MTUS2: variants seen among roughly 807,000 people sequenced by gnomAD.
MTUS2 encodes microtubule associated scaffold protein 2, also known as microtubule-associated tumor suppressor candidate 2.
A neutral mutation model predicts 114.1 loss-of-function variants in MTUS2; 40 were observed. The ratio of observed to expected loss-of-function variants is 0.35; its 90% CI spans 0.27 to 0.46. The LOEUF (loss-of-function observed/expected upper bound fraction) is 0.46. Ranked by LOEUF, MTUS2 falls within the 20% of genes least tolerant of loss-of-function variation. MTUS2 has a pLI of 1.00. For synonymous variants in MTUS2, 688 were observed against 672.0 expected (o/e 1.02, Z -0.37); for missense variants, 1,679 against 1,705.4 (o/e 0.98, Z 0.27).
intron 6 of MTUS2, among the ~76,000 whole-genome samples, chr13:29,288,947 C>A (rs1215368453): frequency 1.3e-5 from 2 of 152,090 alleles, no homozygotes; most frequent in African/African-American, 4.8e-5. Context: ...GGTTGTTTTG[C>A]AACACTACTT....
intron 15 of MTUS2, 119 bp from the exon 16 acceptor site, chr13:29,502,873 TG>T (rs1882997115): frequency 4.2e-6 from 4 of 957,398 alleles, no homozygotes; most frequent in Admixed American, 2.1e-5. Context: ...TGGGTCACCC[TG>T]GTCCCTGTTC....
At chr13:29,083,058 A>T (rs1889517300) in intron 4 of MTUS2, among the ~76,000 whole-genome samples, 1 of 152,128 alleles carries the variant, frequency 6.6e-6, no homozygotes, top group Admixed American at 6.5e-5. Flanking sequence ...AACCCAAAAA[A>T]GCCTAAAAGA....
chr13:29,289,626 G>C (rs1401036209), intron 6 of MTUS2, among the ~76,000 whole-genome samples: 1 of 151,836 alleles, frequency 6.6e-6, no homozygotes, highest in Non-Finnish European at 1.5e-5. Context: ...CTGCACCCGG[G>C]TAATTTTTTT....
intron 2 of MTUS2, among the ~76,000 whole-genome samples, chr13:28,945,131 G>A (rs1028329224): frequency 2.6e-5 from 4 of 151,516 alleles, no homozygotes; most frequent in Non-Finnish European, 4.4e-5. Flanking sequence ...TTCCATCCAT[G>A]TTGTAAAAGA....
At chr13:29,319,426 G>T (rs544514201) in intron 6 of MTUS2, among the ~76,000 whole-genome samples, 1 of 152,258 alleles carries the variant, frequency 6.6e-6, no homozygotes, top group Non-Finnish European at 1.5e-5. Context: ...CCCCACATGG[G>T]AACAAAGATG....
chr13:29,289,228 T>G (rs7319242), intron 6 of MTUS2, among the ~76,000 whole-genome samples: 1 of 151,930 alleles, frequency 6.6e-6, no homozygotes, highest in Non-Finnish European at 1.5e-5. Context: ...AACAGCAAAG[T>G]TCAAGTATGG....
intron 5 of MTUS2, among the ~76,000 whole-genome samples, chr13:29,160,543 G>A (rs553737301): frequency 3.3e-5 from 5 of 152,246 alleles, no homozygotes; most frequent in East Asian, 3.9e-4. Flanking sequence ...GGCCGAGGCC[G>A]GCAGATCATG....
At chr13:29,449,664 G>GT (rs35247389) in intron 9 of MTUS2, among the ~76,000 whole-genome samples, 53,973 of 148,522 alleles carry the variant, frequency 0.36, 10,822 homozygotes, top group Admixed American at 0.49. Context: ...CCACCAAGTG[G>GT]TTTTTTTTTT....
intron 2 of MTUS2, among the ~76,000 whole-genome samples, chr13:28,894,846 C>G (rs1038038173): frequency 6.6e-6 from 1 of 151,984 alleles, no homozygotes; most frequent in Non-Finnish European, 1.5e-5. Context: ...ACTCTTGGAG[C>G]CTTTTGTGTG....
chr13:28,983,679 T>A (rs1053405008), intron 2 of MTUS2, among the ~76,000 whole-genome samples: 1 of 152,224 alleles, frequency 6.6e-6, no homozygotes, highest in Non-Finnish European at 1.5e-5. Context: ...GTGTTAGAAA[T>A]GCAGATTCTT....
chr13:29,069,618 C>T (rs1469472645), intron 4 of MTUS2, among the ~76,000 whole-genome samples: 3 of 152,180 alleles, frequency 2.0e-5, no homozygotes, highest in Non-Finnish European at 4.4e-5. Context: ...TATGACACCT[C>T]CTGACACTGT....
In MTUS2 at chr13:29,480,501, C is replaced by T. The variant is rs892058510; in HGVS notation, c.3399+137C>T. 2 of 944,626 alleles carry T rather than the reference C, an allele frequency of 2.1e-6. No homozygotes were observed. The highest frequency in any genetic ancestry group is 3.0e-6 in the Non-Finnish European group (2 of 655,952). 58.5% of individuals were successfully genotyped at this position (944,626 alleles called of 1,614,324 possible). A position where few individuals can be genotyped will look rare whatever the true frequency, so the allele number is the denominator to read the frequency against. Reference sequence around the variant, plus strand: ...CAGTTCACTTTCTGAGTTGCTTTCTCCTTTCTCCCCGCTCCTCTCTTCTCC... The same window carrying T: ...CAGTTCACTTTCTGAGTTGCTTTCTTCTTTCTCCCCGCTCCTCTCTTCTCC... On this transcript the variant is annotated intron_variant, in intron 10 of 15. Coordinates refer to ENST00000612955, the MANE Select transcript of MTUS2 (RefSeq NM_001033602.4). This position sits in a 1 kb window ranked among gnomAD's most constrained non-coding sequence, Gnocchi z 4.4.
chr13:29,195,161 TGCAG>T (rs1402540144), intron 5 of MTUS2, among the ~76,000 whole-genome samples: 1 of 150,328 alleles, frequency 6.7e-6, no homozygotes, highest in African/African-American at 2.4e-5. Context: ...AGTTAATGGG[TGCAG>T]CACACCAGCA....
At chr13:28,992,335 A>G (rs894814447) in intron 2 of MTUS2, among the ~76,000 whole-genome samples, 3 of 152,198 alleles carry the variant, frequency 2.0e-5, no homozygotes, top group African/African-American at 4.8e-5. Flanking sequence ...CATGGTGGCA[A>G]GTTGATATTA....
At chr13:28,898,537 A>G (rs900869669) in intron 2 of MTUS2, among the ~76,000 whole-genome samples, 8 of 152,300 alleles carry the variant, frequency 5.3e-5, no homozygotes, top group Admixed American at 3.3e-4. Flanking sequence ...ATGATGAACT[A>G]CCGTATCCCT....
At chr13:29,422,352 C>T (rs191782104) in intron 8 of MTUS2, among the ~76,000 whole-genome samples, 2 of 152,276 alleles carry the variant, frequency 1.3e-5, no homozygotes, top group African/African-American at 2.4e-5. Flanking sequence ...GCTTATCTCA[C>T]AGAGTTTTGT....
At chr13:29,073,934 C>G (rs1347429821) in intron 4 of MTUS2, among the ~76,000 whole-genome samples, 5 of 152,114 alleles carry the variant, frequency 3.3e-5, no homozygotes, top group Non-Finnish European at 7.3e-5. Context: ...CACCCCCAAG[C>G]CTCTCAACTA....
chr13:29,031,861 C>T (rs1275639999), intron 3 of MTUS2, among the ~76,000 whole-genome samples: 5 of 152,002 alleles, frequency 3.3e-5, no homozygotes, highest in East Asian at 1.9e-4. Context: ...TCTGTCTCCA[C>T]GGCACACTAT....
At chr13:29,357,197 A>ATGATGATAT (rs1444627575) in intron 7 of MTUS2, among the ~76,000 whole-genome samples, 2 of 150,160 alleles carry the variant, frequency 1.3e-5, no homozygotes, top group Non-Finnish European at 3.0e-5. Context: ...GATGATGATG[A>ATGATGATAT]TATTATTATT....
Sources: gnomAD v4.1 joint callset for allele counts (sites outside exome capture counted in the v4.1 genomes callset) on GRCh38, gnomAD v4.1.1 for gene constraint, Gnocchi (gnomAD v3.1) non-coding constraint, MANE v1.5 for transcripts, NCBI Gene and HGNC (gene_info 2026-07-23, HGNC 2026-07-21) for gene names.